HPCAL1: variants seen among roughly 807,000 people sequenced by gnomAD.
The protein encoded by HPCAL1 is hippocalcin-like protein 1.
Under a neutral mutation model 17.1 loss-of-function variants are expected in HPCAL1, and 8 were observed. That is an observed-to-expected ratio of 0.47 (90% CI 0.27 to 0.84). The LOEUF is 0.84. Ranked by LOEUF, HPCAL1 falls within the 40% of genes least tolerant of loss-of-function variation. The pLI, the probability that HPCAL1 is intolerant of heterozygous loss-of-function variation, is 0.13. For synonymous variants in HPCAL1, 112 were observed against 111.4 expected (o/e 1.01, Z -0.03); for missense variants, 165 against 271.1 (o/e 0.61, Z 2.75).
intron 1 of HPCAL1, among the ~76,000 whole-genome samples, chr2:10,324,115 G>A (rs1450023653): frequency 1.3e-5 from 2 of 152,236 alleles, no homozygotes; most frequent in Non-Finnish European, 2.9e-5. Flanking sequence ...CACTCATCCT[G>A]TTGTTATTAA....
At chr2:10,308,418 C>T (rs560333313) in intron 1 of HPCAL1, among the ~76,000 whole-genome samples, 55 of 152,118 alleles carry the variant, frequency 3.6e-4, no homozygotes, top group Non-Finnish European at 6.3e-4. Context: ...GTACAAACTC[C>T]CTGTCCCCGT....
At chr2:10,400,203 G>A (rs1482353954) in intron 2 of HPCAL1, among the ~76,000 whole-genome samples, 2 of 152,148 alleles carry the variant, frequency 1.3e-5, no homozygotes, top group East Asian at 3.9e-4. Flanking sequence ...GCGAGCAGGC[G>A]GCTCAGCCAG....
rs575397071 is a variant in HPCAL1 at position 10,405,601 on chromosome 2, G to A, written c.-25+8681G>A. On this transcript the variant is annotated intron_variant, in intron 2 of 4. Transcript: ENST00000307845. Reference sequence around the variant, plus strand: ...TGCAGACGGAATTCTGCCATCTGACGCGTAGATCTTCCCCCCAGGCATGGG... The same window carrying A: ...TGCAGACGGAATTCTGCCATCTGACACGTAGATCTTCCCCCCAGGCATGGG... 5.3e-5 allele frequency among the ~76,000 whole-genome samples: 8 copies of A among 152,354 alleles called. No individual in the cohort carries two copies. The East Asian group carries it at 1.2e-3, about 22-fold the overall frequency.
Position 10,426,720 on chromosome 2 carries a change from G to A in HPCAL1, c.485-4G>A, listed in dbSNP as rs1474663796. On this transcript the variant is annotated splice_polypyrimidine_tract_variant and splice_region_variant and intron_variant, in intron 4 of 4. Transcript: ENST00000307845. ...CTAATCCCATTGTCTCTGGTCCCCTGCAGGCAAACTGTCCTTGGAAGAATT... is the reference window on the plus strand; with the variant it reads ...CTAATCCCATTGTCTCTGGTCCCCTACAGGCAAACTGTCCTTGGAAGAATT... 2.5e-6 allele frequency: 4 copies of A among 1,612,142 alleles called. No individual in the cohort carries two copies. The highest frequency in any genetic ancestry group is 3.4e-6 in the Non-Finnish European group (4 of 1,178,962).
chr2:10,399,551 CACCACT>C (rs1199884274), intron 2 of HPCAL1, among the ~76,000 whole-genome samples: 5 of 123,776 alleles, frequency 4.0e-5, no homozygotes, highest in Non-Finnish European at 6.6e-5. Flanking sequence ...CCATCACCGC[CACCACT>C]ACCGCCACCG....
In HPCAL1 at chr2:10,343,452, G is replaced by A. The variant is rs1665220522; in HGVS notation, c.-111+40275G>A. ...AGGTGGGTGTTTGCATAGGCAGGCAGGTGAGCCAGCCTAGTTTGTCCACAG... is the reference window on the plus strand; with the variant it reads ...AGGTGGGTGTTTGCATAGGCAGGCAAGTGAGCCAGCCTAGTTTGTCCACAG... On this transcript the variant is annotated intron_variant, in intron 1 of 4. Transcript: ENST00000307845. The surrounding 1 kb of genome is among the most constrained non-coding windows in gnomAD (Gnocchi z 4.8). Among the ~76,000 whole-genome samples the A allele has an allele frequency of 6.6e-6, 1 of 152,230 alleles. No individual in the cohort carries two copies. The highest frequency in any genetic ancestry group is 6.5e-5 in the Admixed American group (1 of 15,286).
At chr2:10,412,195 G>A (rs755565699) in intron 2 of HPCAL1, among the ~76,000 whole-genome samples, 141 of 152,316 alleles carry the variant, frequency 9.3e-4, no homozygotes, top group Admixed American at 1.7e-3. Flanking sequence ...AAGGTCTTTC[G>A]TCTCACAGCC....
chr2:10,368,434 G>T (rs534617453), intron 1 of HPCAL1, among the ~76,000 whole-genome samples: 5 of 152,290 alleles, frequency 3.3e-5, no homozygotes, highest in African/African-American at 9.6e-5. Context: ...GCTCCTTGAG[G>T]GCAGGGTGGT....
chr2:10,399,544 T>TACCGC (rs1669436386), intron 2 of HPCAL1, among the ~76,000 whole-genome samples: 5 of 19,666 alleles, frequency 2.5e-4, no homozygotes, highest in African/African-American at 7.0e-4. Flanking sequence ...ACCGCCACCA[T>TACCGC]CACCGCCACC....
intron 1 of HPCAL1, among the ~76,000 whole-genome samples, chr2:10,315,578 G>A (rs895242897): frequency 6.6e-6 from 1 of 152,140 alleles, no homozygotes; most frequent in Non-Finnish European, 1.5e-5. Flanking sequence ...TCTTGTTATG[G>A]TTAGACTGGC....
intron 1 of HPCAL1, among the ~76,000 whole-genome samples, chr2:10,306,786 C>A (rs943057347): frequency 3.3e-5 from 5 of 152,126 alleles, no homozygotes; most frequent in African/African-American, 1.2e-4. Context: ...CACAGTAAAT[C>A]CTTTAAAGAG....
chr2:10,327,300 CA>C lies in HPCAL1; in HGVS notation c.-111+24124del, dbSNP rs760902669. 8.5e-4 allele frequency among the ~76,000 whole-genome samples: 129 copies of C among 152,290 alleles called. 1 individual carries two copies. The highest frequency in any genetic ancestry group is 7.8e-4 in the Admixed American group (12 of 15,298). On this transcript the variant is annotated intron_variant, in intron 1 of 4. Transcript: ENST00000307845. ...TTTTGTAGGTAGTAGTTCTGTCATC[CA>C]GAATGTGTAAAGTAACTCTCTAGGT...
intron 3 of HPCAL1, among the ~76,000 whole-genome samples, chr2:10,422,689 G>A (rs1262432697): frequency 6.6e-6 from 1 of 152,146 alleles, no homozygotes; most frequent in Non-Finnish European, 1.5e-5. Context: ...AGCATTCCCA[G>A]CCCCCGACAG....
At chr2:10,339,240 C>T (rs995142113) in intron 1 of HPCAL1, among the ~76,000 whole-genome samples, 5 of 152,152 alleles carry the variant, frequency 3.3e-5, no homozygotes, top group Non-Finnish European at 7.4e-5. Flanking sequence ...GCAACCTCCA[C>T]CTCCCGGGTT....
At chr2:10,315,247 C>T (rs1038228626) in intron 1 of HPCAL1, among the ~76,000 whole-genome samples, 19 of 150,736 alleles carry the variant, frequency 1.3e-4, no homozygotes, top group East Asian at 3.9e-4. Context: ...GAGCCGAGAT[C>T]GCGCCACTGC....
intron 2 of HPCAL1, among the ~76,000 whole-genome samples, chr2:10,400,903 A>T (rs1669565900): frequency 6.6e-6 from 1 of 152,188 alleles, no homozygotes; most frequent in African/African-American, 2.4e-5. Context: ...TGGCGGGGGA[A>T]TCCTAGCCGT....
rs557741064 is a variant in HPCAL1, at chr2:10,377,674, G to A, written c.-110-19161G>A. ...GCACCTCCTGAGCAGCCCTGGCTGAGCATGCACTCTGAGGGCAGACCCTGG... is the reference window on the plus strand; with the variant it reads ...GCACCTCCTGAGCAGCCCTGGCTGAACATGCACTCTGAGGGCAGACCCTGG... On this transcript the variant is annotated intron_variant, in intron 1 of 4. Transcript: ENST00000307845. The surrounding 1 kb of genome is among the most constrained non-coding windows in gnomAD (Gnocchi z 5.9). Among the ~76,000 whole-genome samples the A allele has an allele frequency of 5.3e-5, 8 of 152,232 alleles. No homozygotes were observed. The highest frequency in any genetic ancestry group is 1.9e-4 in the African/African-American group (8 of 41,522).
chr2:10,325,360 C>A (rs1216842466), intron 1 of HPCAL1, among the ~76,000 whole-genome samples: 1 of 152,220 alleles, frequency 6.6e-6, no homozygotes, highest in Non-Finnish European at 1.5e-5. Flanking sequence ...TATTTTTCAG[C>A]CCCAGCCTCT....
chr2:10,364,435 G>A (rs956937924), intron 1 of HPCAL1, among the ~76,000 whole-genome samples: 1 of 152,370 alleles, frequency 6.6e-6, no homozygotes, highest in African/African-American at 2.4e-5. Context: ...CCTGGAATGC[G>A]ATGGCCAGGG....
Sources: gnomAD v4.1 joint callset for allele counts (sites outside exome capture counted in the v4.1 genomes callset) on GRCh38, gnomAD v4.1.1 for gene constraint, Gnocchi (gnomAD v3.1) non-coding constraint, MANE v1.5 for transcripts, NCBI Gene and HGNC (gene_info 2026-07-23, HGNC 2026-07-21) for gene names.